DAGLB: variants seen among roughly 807,000 people sequenced by gnomAD.
DAGLB encodes the protein diacylglycerol lipase-beta.
Under a neutral mutation model 72.1 loss-of-function variants are expected in DAGLB, and 66 were observed. That is an observed-to-expected ratio of 0.92 (90% confidence interval 0.75 to 1.12). The LOEUF is 1.12. Among genes scored for constraint, DAGLB ranks in the 50% most tolerant of loss-of-function variants. The pLI is 0.00. For missense variants in DAGLB, 1,065 were observed against 884.9 expected (o/e 1.20, Z -2.58); for synonymous variants, 414 against 359.5 (o/e 1.15, Z -1.71).
chr7:6,421,792 C>T lies in DAGLB; in HGVS notation c.1153G>A (p.Asp385Asn), dbSNP rs1241940480. ...GTMSLQDVLT[D>N]LSAESEVLDV... ...AGCACCTCACTCTCCGCTGACAGGTCCGTAAGGACATCCTGTAAAAAGGGC... is the reference window on the plus strand; with the variant it reads ...AGCACCTCACTCTCCGCTGACAGGTTCGTAAGGACATCCTGTAAAAAGGGC... Residue 385 changes from aspartate (D) to asparagine (N), a missense_variant, in exon 9 of 15, where the codon GAC becomes AAC. Transcript: ENST00000297056. 3 of 1,613,172 alleles carry T rather than the reference C, an allele frequency of 1.9e-6. No homozygotes were observed. Among genetic ancestry groups the T allele is most frequent in the Admixed American group, 1.7e-5 (1 of 60,012 alleles).
chr7:6,433,920 A>C (rs1316205365), intron 4 of DAGLB, among the ~76,000 whole-genome samples: 1 of 151,990 alleles, frequency 6.6e-6, no homozygotes, highest in Non-Finnish European at 1.5e-5. Context: ...CCTGTGATGT[A>C]GATTACGACA....
Position 6,424,923 on chromosome 7 carries a change from C to T in DAGLB, c.1057-88G>A. 12 of 1,308,566 alleles carry T rather than the reference C, an allele frequency of 9.2e-6. No homozygotes were observed. In the South Asian group the frequency reaches 1.4e-4, roughly 16 times the overall value. 81.1% of individuals were successfully genotyped at this position (1,308,566 alleles called of 1,614,324 possible). A position where few individuals can be genotyped will look rare whatever the true frequency, so the allele number is the denominator to read the frequency against. ...CGGAGCCCTGCAGTGTCTGCAATGA[C>T]AGCCCAAGTCCTGCGGCACAGAGAG... is the stretch of plus-strand genomic sequence containing the variant. On this transcript the variant is annotated intron_variant, in intron 7 of 14. Coordinates refer to ENST00000297056, the MANE Select transcript of DAGLB (RefSeq NM_139179.4).
chr7:6,416,813 A>T, intron 10 of DAGLB, 28 bp downstream of exon 10: 1 of 1,614,234 alleles, frequency 6.2e-7, no homozygotes, highest in Admixed American at 1.7e-5. Context: ...AAAGAGGACA[A>T]GGAAAGAAAC....
At chr7:6,421,097 G>C (rs1362373055) in intron 9 of DAGLB, among the ~76,000 whole-genome samples, 1 of 152,220 alleles carries the variant, frequency 6.6e-6, no homozygotes, top group South Asian at 2.1e-4. Flanking sequence ...GAGCCCAGGA[G>C]GTCAAGACCA....
Position 6,421,741 on chromosome 7 carries a change from G to C in DAGLB, c.1204C>G (p.Arg402Gly), listed in dbSNP as rs147869784. Residue 402 changes from arginine (R) to glycine (G), a missense_variant, in exon 9 of 15, where the codon CGC becomes GGC. By Grantham distance (125) the Arg-to-Gly change is moderately radical (BLOSUM62 -2). Transcript: ENST00000297056. ...CGCGCTCATACCTTGTGTGCCAGGC[G>C]GTCCTGCACCTCACACTCCACGTCC... is the stretch of plus-strand genomic sequence containing the variant. ...VLDVECEVQD[R>G]LAHKGISQAA... The C allele has an allele frequency of 6.2e-7, 1 of 1,610,980 alleles. No homozygotes were observed. The highest frequency in any genetic ancestry group is 2.2e-5 in the East Asian group (1 of 44,796).
chr7:6,442,366 G>T (rs994609149), intron 2 of DAGLB, among the ~76,000 whole-genome samples: 5 of 151,960 alleles, frequency 3.3e-5, no homozygotes, highest in South Asian at 4.2e-4. Flanking sequence ...AAGAGGGAAC[G>T]GAGTGAATAT....
In DAGLB at chr7:6,434,571, G is replaced by C. The variant is rs1383171913; in HGVS notation, c.678+191C>G. Among the ~76,000 whole-genome samples, 3 of 152,270 alleles carry C rather than the reference G, an allele frequency of 2.0e-5. No homozygotes were observed. The East Asian group carries it at 5.8e-4, about 29-fold the overall frequency. ...CATGTCCTATTGGGACACAGGGTCTGAGAAGGTGTGGCTCTTGCAGTTAAC... is the reference window on the plus strand; with the variant it reads ...CATGTCCTATTGGGACACAGGGTCTCAGAAGGTGTGGCTCTTGCAGTTAAC... On this transcript the variant is annotated intron_variant, in intron 4 of 14. Transcript: ENST00000297056.
intron 8 of DAGLB, 106 bp from the exon 9 acceptor site, chr7:6,421,910 G>GGCA (rs1562481636): frequency 1.6e-6 from 2 of 1,237,894 alleles, no homozygotes; most frequent in Admixed American, 3.8e-5. Context: ...TGGCGGGGAT[G>GGCA]GCACCATCTC....
chr7:6,441,456 C>T (rs1430996768), intron 2 of DAGLB, among the ~76,000 whole-genome samples: 1 of 143,126 alleles, frequency 7.0e-6, no homozygotes. Context: ...CTCACTCTGT[C>T]GTCCAGGCTG....
rs534369392 is a variant in DAGLB, at chr7:6,443,005, C to G, written c.247+2948G>C. On this transcript the variant is annotated intron_variant, in intron 2 of 14. Coordinates refer to ENST00000297056, the MANE Select transcript of DAGLB (RefSeq NM_139179.4). The stretch of plus-strand genomic sequence containing the variant: ...TGGCTAACACAGTGAAACCCCGTCT[C>G]TTCTAAAAATACAAAAAAAAAAAAA... 3.3e-3 allele frequency among the ~76,000 whole-genome samples: 419 copies of G among 126,264 alleles called. 2 individuals are homozygous for G. Among genetic ancestry groups the G allele is most frequent in the African/African-American group, 0.011 (372 of 33,144 alleles). 82.8% of individuals were successfully genotyped at this position (126,264 alleles called of 152,430 possible).
intron 2 of DAGLB, among the ~76,000 whole-genome samples, chr7:6,440,603 G>T (rs1784797457): frequency 6.6e-6 from 1 of 152,098 alleles, no homozygotes. Context: ...GACAACAGAA[G>T]TTAGCTATGT....
At chr7:6,421,182 A>G (rs1433953259) in intron 9 of DAGLB, among the ~76,000 whole-genome samples, 1 of 152,236 alleles carries the variant, frequency 6.6e-6, no homozygotes. Flanking sequence ...GCTGGGCTCA[A>G]ATGCCCAACC....
chr7:6,435,303 T>C (rs977216809), intron 3 of DAGLB: 17 of 352,156 alleles, frequency 4.8e-5, no homozygotes, highest in African/African-American at 1.5e-4. Context: ...CTGGCCAACA[T>C]AGTGAAACCC....
intron 7 of DAGLB, 122 bp from the exon 8 acceptor site, chr7:6,424,957 A>C (rs1583290118): frequency 4.5e-6 from 4 of 895,994 alleles, no homozygotes; most frequent in Non-Finnish European, 5.4e-6. Context: ...AGGAGGGGAC[A>C]CCGCCTCTCC....
intron 9 of DAGLB, 78 bp from the exon 10 acceptor site, chr7:6,416,999 G>A (rs759144152): frequency 1.1e-5 from 17 of 1,479,756 alleles, no homozygotes; most frequent in East Asian, 6.9e-5. Context: ...ATGGGATGAC[G>A]CTGTGCACTG....
At position 6,434,815 on chromosome 7, in the gene DAGLB, G is replaced by C; in HGVS notation, c.625C>G (p.His209Asp). 1 of 1,614,192 alleles carries C rather than the reference G, an allele frequency of 6.2e-7. No individual in the cohort carries two copies. The highest frequency in any genetic ancestry group is 8.5e-7 in the Non-Finnish European group (1 of 1,180,044). The change falls in exon 4 of 15, where the codon CAT becomes GAT. Residue 209 changes from histidine (H) to aspartate (D), a missense_variant. Transcript: ENST00000297056. ...GTACTCGAAAAAGCAACCCGAGTAT[G>C]GTCGTCTTTCCCAATGCAACAGCAC... ...LLCCCIGKDD[H>D]TRVAFSSTAE...
chr7:6,414,614 G>C (rs1431604094), intron 11 of DAGLB, among the ~76,000 whole-genome samples: 1 of 151,998 alleles, frequency 6.6e-6, no homozygotes, highest in Non-Finnish European at 1.5e-5. Context: ...TGATGTTTAA[G>C]TATCACTATA....
chr7:6,427,938 C>A (rs1033580272), intron 6 of DAGLB, among the ~76,000 whole-genome samples: 7 of 152,104 alleles, frequency 4.6e-5, no homozygotes, highest in African/African-American at 1.7e-4. Context: ...ATAATTACAA[C>A]CCACTGAATA....
intron 11 of DAGLB, among the ~76,000 whole-genome samples, chr7:6,414,337 G>C (rs1783833096): frequency 6.7e-6 from 1 of 150,006 alleles, no homozygotes; most frequent in Non-Finnish European, 1.5e-5. Flanking sequence ...TTTTGAGACG[G>C]AGTGTAGCTC....
Sources: allele counts gnomAD v4.1 joint callset (sites outside exome capture counted in the v4.1 genomes callset), GRCh38; gene constraint gnomAD v4.1.1; transcripts MANE v1.5; gene names NCBI Gene and HGNC (gene_info 2026-07-23, HGNC 2026-07-21).